METTL8: variants seen among roughly 807,000 people sequenced by gnomAD.
METTL8 encodes the protein methyltransferase 8, tRNA N3-cytidine, also known as tRNA N(3)-cytidine methyltransferase METTL8, mitochondrial.
A neutral mutation model predicts 48.7 loss-of-function variants in METTL8; 32 were observed. The ratio of observed to expected loss-of-function variants is 0.66; its 90% CI spans 0.50 to 0.88. The LOEUF (loss-of-function observed/expected upper bound fraction) is 0.88, where lower values mean the gene tolerates loss of function less well. Among genes scored for constraint, METTL8 ranks in the 40% least tolerant of loss-of-function variants. METTL8 has a pLI of 0.00. For synonymous variants in METTL8, 136 were observed against 157.1 expected (o/e 0.87, Z 1.01); for missense variants, 464 against 474.4 (o/e 0.98, Z 0.20).
intron 1 of METTL8, among the ~76,000 whole-genome samples, chr2:171,430,372 A>T (rs914846142): frequency 1.3e-5 from 2 of 149,618 alleles, no homozygotes; most frequent in Non-Finnish European, 3.0e-5. Context: ...ACAAAAAACA[A>T]AAAAAAAAGG....
chr2:171,410,390 G>A lies in METTL8; in HGVS notation c.-12-18193C>T, dbSNP rs117939937. On this transcript the variant is annotated intron_variant, in intron 1 of 9. Transcript: ENST00000375258. ...CAATCCACACTGCCTGGGGCAACTC[G>A]AATCTTATTTAATACAAAAACAATC... is the stretch of plus-strand genomic sequence containing the variant. Among the ~76,000 whole-genome samples, 38 of 152,224 alleles carry A rather than the reference G, an allele frequency of 2.5e-4. No homozygotes were observed. The East Asian group carries it at 4.4e-3, about 18-fold the overall frequency.
intron 5 of METTL8, among the ~76,000 whole-genome samples, chr2:171,336,101 C>CTT (rs560940773): frequency 3.5e-5 from 5 of 143,272 alleles, no homozygotes; most frequent in Admixed American, 7.0e-5. Context: ...TCAAACTCTG[C>CTT]TTTTTTTTTT....
At chr2:171,335,867 C>T (rs1686031889) in intron 5 of METTL8, among the ~76,000 whole-genome samples, 1 of 152,110 alleles carries the variant, frequency 6.6e-6, no homozygotes, top group Non-Finnish European at 1.5e-5. Context: ...TCTCCTTTTC[C>T]TCTAATGGAA....
In METTL8 at chr2:171,320,832, C is replaced by A. The variant is rs116462160; in HGVS notation, c.*3340G>T. On this transcript the variant is annotated 3_prime_UTR_variant, in exon 10 of 10. Coordinates refer to ENST00000375258, the MANE Select transcript of METTL8 (RefSeq NM_001321154.2). ...GGTCTTCCTTGCCACTGATCTCTGA[C>A]CTCACTCCATTCCATTCTATAGACA... The A allele has an allele frequency of 5.3e-5, 8 of 152,340 alleles. No individual in the cohort carries two copies. The highest frequency in any genetic ancestry group is 1.9e-4 in the African/African-American group (8 of 41,576). The allele number at this position is 152,340 out of a possible 1,614,324, so 9.4% of individuals were successfully genotyped here.
chr2:171,419,501 G>A (rs1282221315), intron 1 of METTL8, among the ~76,000 whole-genome samples: 4 of 152,010 alleles, frequency 2.6e-5, no homozygotes, highest in African/African-American at 4.8e-5. Flanking sequence ...ATAATTGTTC[G>A]ATTCTAGTAC....
At chr2:171,327,631 A>T (rs750979258) in intron 7 of METTL8, among the ~76,000 whole-genome samples, 15 of 152,276 alleles carry the variant, frequency 9.9e-5, no homozygotes, top group Non-Finnish European at 1.9e-4. Flanking sequence ...GGAAGCAGAT[A>T]CTGAGAAAAT....
At chr2:171,373,984 A>C (rs905073355) in intron 2 of METTL8, among the ~76,000 whole-genome samples, 3 of 152,200 alleles carry the variant, frequency 2.0e-5, no homozygotes, top group Non-Finnish European at 4.4e-5. Context: ...GTTCCATGTG[A>C]ACTTTAAAGT....
chr2:171,317,473 C>T lies in METTL8; in HGVS notation c.*6699G>A, dbSNP rs1260674224. On this transcript the variant is annotated 3_prime_UTR_variant, in exon 10 of 10. Coordinates refer to ENST00000375258, the MANE Select transcript of METTL8 (RefSeq NM_001321154.2). ...ATACAGAAGCATTTCCCGCCCTGGG[C>T]CCTGGATCTACTCAGTGCCTACCTG... 2.0e-5 allele frequency: 3 copies of T among 152,364 alleles called. No individual in the cohort carries two copies. Among genetic ancestry groups the T allele is most frequent in the African/African-American group, 7.2e-5 (3 of 41,424 alleles). 9.4% of individuals were successfully genotyped at this position (152,364 alleles called of 1,614,324 possible). A position where few individuals can be genotyped will look rare whatever the true frequency, so the allele number is the denominator to read the frequency against.
At chr2:171,349,951 A>G (rs142132355) in intron 3 of METTL8, among the ~76,000 whole-genome samples, 6 of 152,006 alleles carry the variant, frequency 3.9e-5, no homozygotes, top group Admixed American at 1.3e-4. Context: ...CATCAACCTA[A>G]ATATTTGTCT....
At chr2:171,391,511 A>C (rs555272560) in intron 2 of METTL8, among the ~76,000 whole-genome samples, 5 of 152,342 alleles carry the variant, frequency 3.3e-5, no homozygotes, top group South Asian at 4.1e-4. Flanking sequence ...TATAGTCTGT[A>C]ACACTCATTG....
intron 3 of METTL8, among the ~76,000 whole-genome samples, chr2:171,357,244 C>A (rs1684685895): frequency 6.6e-6 from 1 of 152,084 alleles, no homozygotes; most frequent in Non-Finnish European, 1.5e-5. Context: ...CAGGCGTAAG[C>A]CCCTGTGCCC....
In METTL8 at chr2:171,375,508, A is replaced by G. The variant is rs138642801; in HGVS notation, c.144-14995T>C. Among the ~76,000 whole-genome samples the G allele has an allele frequency of 3.8e-3, 579 of 152,264 alleles. 5 individuals are homozygous for G. The highest frequency in any genetic ancestry group is 0.013 in the African/African-American group (554 of 41,550). ...AGTACTTTTAATTTCAGCTATTCAA[A>G]TAGGTGTGTAGTAGTATTTTACTGT... On this transcript the variant is annotated intron_variant, in intron 2 of 9. Transcript: ENST00000375258.
chr2:171,330,938 G>T (rs1158278366), intron 6 of METTL8, among the ~76,000 whole-genome samples: 2 of 152,128 alleles, frequency 1.3e-5, no homozygotes, highest in African/African-American at 4.8e-5. Flanking sequence ...AACTTTAAAA[G>T]TAGAGGAGGG....
intron 2 of METTL8, among the ~76,000 whole-genome samples, chr2:171,382,357 T>C (rs1001608841): frequency 6.6e-6 from 1 of 152,146 alleles, no homozygotes; most frequent in Non-Finnish European, 1.5e-5. Context: ...ATATACACCA[T>C]GGAATACTAT....
At chr2:171,434,484 C>G (rs989410187), upstream of METTL8, 6 of 1,519,156 alleles carry the variant, frequency 3.9e-6, no homozygotes, top group Non-Finnish European at 5.3e-6. Flanking sequence ...AAGTCTGGGC[C>G]TCGAAATTCG....
chr2:171,349,419 G>A (rs948861784), intron 3 of METTL8, among the ~76,000 whole-genome samples: 1 of 152,156 alleles, frequency 6.6e-6, no homozygotes, highest in African/African-American at 2.4e-5. Flanking sequence ...TACAGTATCT[G>A]TCTTTTTGTG....
chr2:171,362,887 G>A (rs17285541), intron 2 of METTL8, among the ~76,000 whole-genome samples: 16,651 of 152,014 alleles, frequency 0.11, 1,210 homozygotes, highest in Admixed American at 0.19. Context: ...ATACAATTAC[G>A]TGACAGTTGT....
At position 171,320,407 on chromosome 2, in the gene METTL8, G is replaced by T. The variant is rs1020195294; in HGVS notation, c.*3765C>A. ...GTAATACATTATAGAAAGACACGAA[G>T]CCGAATTTTACTGTGCCAGTCAAGA... On this transcript the variant is annotated 3_prime_UTR_variant, in exon 10 of 10. Coordinates refer to ENST00000375258, the MANE Select transcript of METTL8 (RefSeq NM_001321154.2). The T allele has an allele frequency of 1.3e-5, 2 of 152,214 alleles. No individual in the cohort carries two copies. Among genetic ancestry groups the T allele is most frequent in the African/African-American group, 4.8e-5 (2 of 41,452 alleles). 9.4% of individuals were successfully genotyped at this position (152,214 alleles called of 1,614,324 possible).
At chr2:171,364,447 T>C (rs938211538) in intron 2 of METTL8, among the ~76,000 whole-genome samples, 1 of 152,102 alleles carries the variant, frequency 6.6e-6, no homozygotes, top group Non-Finnish European at 1.5e-5. Context: ...GTACAAAATA[T>C]ACTTTTCACA....
Sources: gnomAD v4.1 joint callset for allele counts (sites outside exome capture counted in the v4.1 genomes callset) on GRCh38, gnomAD v4.1.1 for gene constraint, MANE v1.5 for transcripts, NCBI Gene and HGNC (gene_info 2026-07-23, HGNC 2026-07-21) for gene names.